CDC42SE2: variants seen among roughly 807,000 people sequenced by gnomAD.
CDC42SE2 encodes CDC42 small effector protein 2.
A neutral mutation model predicts 11.5 loss-of-function variants in CDC42SE2; 3 were observed. That is an observed-to-expected ratio of 0.26 (90% CI 0.12 to 0.67). CDC42SE2 has a LOEUF of 0.67. Among genes scored for constraint, CDC42SE2 ranks in the 30% least tolerant of loss-of-function variants. The pLI is 0.80. For synonymous variants in CDC42SE2, 33 were observed against 34.8 expected (o/e 0.95, Z 0.18); for missense variants, 82 against 106.8 (o/e 0.77, Z 1.02).
At chr5:131,271,468 C>T (rs1447556356) in intron 1 of CDC42SE2, among the ~76,000 whole-genome samples, 1 of 152,154 alleles carries the variant, frequency 6.6e-6, no homozygotes. Context: ...ATTAGGTATA[C>T]ATAGTCTAGA....
rs997964652 is a variant in CDC42SE2 at position 131,273,455 on chromosome 5, C to T, written c.-455+9289C>T. On this transcript the variant is annotated intron_variant, in intron 1 of 4. Transcript: ENST00000505065. ...ATAGGCATGAGCCACTGCGCCCAGC[C>T]TTATTTTTTTTTTTAATTAAAAAAC... is the stretch of plus-strand genomic sequence containing the variant. Among the ~76,000 whole-genome samples the T allele has an allele frequency of 1.1e-4, 16 of 149,790 alleles. No individual in the cohort carries two copies. The East Asian group carries it at 3.2e-3, about 30-fold the overall frequency.
chr5:131,293,364 G>A (rs1200175896), intron 1 of CDC42SE2, among the ~76,000 whole-genome samples: 1 of 152,056 alleles, frequency 6.6e-6, no homozygotes, highest in Non-Finnish European at 1.5e-5. Flanking sequence ...CTGAGGTCAG[G>A]AGTTCAGGAC....
intron 1 of CDC42SE2, among the ~76,000 whole-genome samples, chr5:131,299,836 A>G (rs1219020563): frequency 6.6e-6 from 1 of 152,172 alleles, no homozygotes; most frequent in Admixed American, 6.5e-5. Context: ...TATTAATGTA[A>G]TGTTAGTTTT....
intron 3 of CDC42SE2, among the ~76,000 whole-genome samples, chr5:131,379,226 T>A (rs982439780): frequency 5.9e-5 from 9 of 152,210 alleles, no homozygotes; most frequent in Non-Finnish European, 1.3e-4. Context: ...GTATTTTCAT[T>A]TTCTTTATTC....
intron 1 of CDC42SE2, among the ~76,000 whole-genome samples, chr5:131,278,056 T>C (rs7719126): frequency 0.77 from 117,686 of 152,018 alleles, 46,005 homozygotes; most frequent in African/African-American, 0.84. Flanking sequence ...TTCAGTGGCA[T>C]GATCAGGACT....
At chr5:131,271,491 T>C (rs893474684) in intron 1 of CDC42SE2, among the ~76,000 whole-genome samples, 2 of 152,234 alleles carry the variant, frequency 1.3e-5, no homozygotes, top group Non-Finnish European at 2.9e-5. Flanking sequence ...TGATTTAAAG[T>C]ATACAGGTGG....
chr5:131,215,569 A>T, the CDC42SE2 span, among the ~76,000 whole-genome samples: 5 of 152,212 alleles, frequency 3.3e-5, no homozygotes, highest in Admixed American at 6.5e-5. Context: ...AGCTACTGAC[A>T]GTCGCTCCTG....
the CDC42SE2 span, among the ~76,000 whole-genome samples, chr5:131,215,381 G>T: frequency 2.0e-5 from 3 of 152,168 alleles, no homozygotes; most frequent in Non-Finnish European, 4.4e-5. Flanking sequence ...TGGAGGAATT[G>T]GTTTAAAGAA....
At chr5:131,279,811 C>T (rs1016755504) in intron 1 of CDC42SE2, among the ~76,000 whole-genome samples, 6 of 152,146 alleles carry the variant, frequency 3.9e-5, no homozygotes, top group African/African-American at 9.7e-5. Context: ...GGTTGGCTCA[C>T]GCTTGTAATC....
chr5:131,274,106 A>G (rs1397235891), intron 1 of CDC42SE2, among the ~76,000 whole-genome samples: 1 of 152,174 alleles, frequency 6.6e-6, no homozygotes, highest in African/African-American at 2.4e-5. Context: ...TGTTATCTTT[A>G]GTCTGGATCT....
chr5:131,275,186 A>T (rs1757075731), intron 1 of CDC42SE2, among the ~76,000 whole-genome samples: 1 of 152,160 alleles, frequency 6.6e-6, no homozygotes, highest in Non-Finnish European at 1.5e-5. Context: ...ACAGCACCTT[A>T]AAAAAACCTA....
intron 1 of CDC42SE2, among the ~76,000 whole-genome samples, chr5:131,305,210 G>T (rs1561578279): frequency 6.6e-6 from 1 of 152,118 alleles, no homozygotes; most frequent in Non-Finnish European, 1.5e-5. Context: ...TTTTTATTGA[G>T]AGTAGTGTAT....
intron 2 of CDC42SE2, among the ~76,000 whole-genome samples, chr5:131,357,400 T>TTTAC (rs756890396): frequency 7.2e-5 from 11 of 152,224 alleles, no homozygotes; most frequent in Non-Finnish European, 1.6e-4. Context: ...GTGCCTTAAC[T>TTTAC]TTACATTACA....
At chr5:131,334,671 A>G (rs1758510140) in intron 2 of CDC42SE2, among the ~76,000 whole-genome samples, 1 of 152,140 alleles carries the variant, frequency 6.6e-6, no homozygotes, top group Non-Finnish European at 1.5e-5. Flanking sequence ...CAGAGATTCA[A>G]CTTCTTCCTG....
intron 2 of CDC42SE2, among the ~76,000 whole-genome samples, chr5:131,347,370 C>G (rs1009789315): frequency 6.6e-6 from 1 of 152,260 alleles, no homozygotes; most frequent in East Asian, 1.9e-4. Flanking sequence ...ACTATAAACA[C>G]CTCTATGCAA....
Position 131,391,912 on chromosome 5 carries a change from A to G in CDC42SE2, c.*821A>G, listed in dbSNP as rs1333993171. ...GTGATTGCTTTTATTTTGAATTACA[A>G]AAAAGAAGTGTGATGGCACCTTGTC... On this transcript the variant is annotated 3_prime_UTR_variant, in exon 5 of 5. Coordinates refer to ENST00000505065, the MANE Select transcript of CDC42SE2 (RefSeq NM_001375635.1). The G allele has an allele frequency of 1.3e-5, 2 of 152,286 alleles. No individual in the cohort carries two copies. Among genetic ancestry groups the G allele is most frequent in the Non-Finnish European group, 2.9e-5 (2 of 68,038 alleles). The allele number at this position is 152,286 out of a possible 1,614,324, so 9.4% of individuals were successfully genotyped here. A position where few individuals can be genotyped will look rare whatever the true frequency, so the allele number is the denominator to read the frequency against.
chr5:131,336,591 G>A (rs1023075071), intron 2 of CDC42SE2, among the ~76,000 whole-genome samples: 2 of 152,146 alleles, frequency 1.3e-5, no homozygotes, highest in Admixed American at 6.6e-5. Flanking sequence ...CATTCTCCCC[G>A]TCACTTTCAG....
chr5:131,236,673 C>A, the CDC42SE2 span, among the ~76,000 whole-genome samples: 1 of 152,204 alleles, frequency 6.6e-6, no homozygotes, highest in Non-Finnish European at 1.5e-5. Flanking sequence ...GTGATCTGCC[C>A]ACCTCGGCCT....
intron 1 of CDC42SE2, among the ~76,000 whole-genome samples, chr5:131,268,824 T>A (rs1756929813): frequency 6.8e-6 from 1 of 148,066 alleles, no homozygotes; most frequent in Admixed American, 6.7e-5. Context: ...CATCTCGGCT[T>A]ACTGCAACCT....
Sources: gnomAD v4.1 joint callset for allele counts (sites outside exome capture counted in the v4.1 genomes callset) on GRCh38, gnomAD v4.1.1 for gene constraint, MANE v1.5 for transcripts, NCBI Gene and HGNC (gene_info 2026-07-23, HGNC 2026-07-21) for gene names.